Variants in PRR16 observed in about 807,000 individuals in gnomAD.
The protein encoded by PRR16 is proline rich 16, also known as protein Largen.
A neutral mutation model predicts 18.2 loss-of-function variants in PRR16; 6 were observed. That is an observed-to-expected ratio of 0.33 (90% CI 0.18 to 0.65). The LOEUF (loss-of-function observed/expected upper bound fraction) is 0.65, where lower values mean the gene tolerates loss of function less well. PRR16 is among the 30% of genes least tolerant of loss of function. The pLI is 0.74. For synonymous variants in PRR16, 151 were observed against 147.8 expected, an observed-to-expected ratio of 1.02 and a Z score of -0.16; for missense variants, 412 against 376.6, an observed-to-expected ratio of 1.09 and a Z score of -0.78.
intron 1 of PRR16, among the ~76,000 whole-genome samples, chr5:120,578,378 C>T (rs976683596): frequency 1.5e-4 from 23 of 152,080 alleles, no homozygotes; most frequent in Non-Finnish European, 2.6e-4. Context: ...ATTGACCTGT[C>T]CTCTAAGTTC....
chr5:120,675,329 A>C (rs1756759023), intron 1 of PRR16, among the ~76,000 whole-genome samples: 1 of 152,118 alleles, frequency 6.6e-6, no homozygotes. Flanking sequence ...CAAGGATTTC[A>C]GTTTTTTTTT....
intron 1 of PRR16, among the ~76,000 whole-genome samples, chr5:120,563,552 A>G (rs1561547578): frequency 6.6e-6 from 1 of 152,176 alleles, no homozygotes; most frequent in African/African-American, 2.4e-5. Flanking sequence ...CTTCCAGGCC[A>G]CAGGCTAATG....
the PRR16 span, among the ~76,000 whole-genome samples, chr5:120,786,092 T>TG: frequency 6.6e-6 from 1 of 151,780 alleles, no homozygotes; most frequent in Admixed American, 6.6e-5. Flanking sequence ...GCTTTTGTTT[T>TG]TTTTTTTTGG....
the PRR16 span, among the ~76,000 whole-genome samples, chr5:120,761,891 A>G: frequency 2.0e-5 from 3 of 151,990 alleles, no homozygotes; most frequent in South Asian, 2.1e-4. Flanking sequence ...TACCTTTCCC[A>G]GCCTTTGATA....
chr5:120,530,279 ATATATTTATTTATTTATT>A (rs1166610119), intron 1 of PRR16, among the ~76,000 whole-genome samples: 2 of 105,076 alleles, frequency 1.9e-5, no homozygotes, highest in African/African-American at 4.1e-5. Flanking sequence ...ATATATATAT[ATATATTTATTTATTTATT>A]TATTTATTTA....
chr5:120,703,506 G>C, the PRR16 span, among the ~76,000 whole-genome samples: 1 of 152,128 alleles, frequency 6.6e-6, no homozygotes. Context: ...ACACAGCATT[G>C]TTTCTTTTGT....
chr5:120,601,863 C>G (rs1413176144), intron 1 of PRR16, among the ~76,000 whole-genome samples: 1 of 151,948 alleles, frequency 6.6e-6, no homozygotes, highest in Admixed American at 6.6e-5. Flanking sequence ...TGTCAAAGGT[C>G]AGATGGTTAT....
the PRR16 span, among the ~76,000 whole-genome samples, chr5:120,776,750 GTCTC>G: frequency 2.8e-4 from 43 of 152,098 alleles, no homozygotes; most frequent in African/African-American, 8.4e-4. Flanking sequence ...CTTTGTTAAA[GTCTC>G]TCTCATATCA....
chr5:120,676,734 A>G (rs2150150871), intron 1 of PRR16, among the ~76,000 whole-genome samples: 1 of 152,246 alleles, frequency 6.6e-6, no homozygotes, highest in East Asian at 1.9e-4. Context: ...TCTCTAAGAA[A>G]CAATAATATT....
intron 1 of PRR16, among the ~76,000 whole-genome samples, chr5:120,647,823 T>C (rs1008049879): frequency 6.6e-6 from 1 of 152,014 alleles, no homozygotes; most frequent in Admixed American, 6.6e-5. Flanking sequence ...AAAAAACTCG[T>C]GTTTATAAGT....
chr5:120,767,980 A>G, the PRR16 span, among the ~76,000 whole-genome samples: 1 of 151,880 alleles, frequency 6.6e-6, no homozygotes, highest in Non-Finnish European at 1.5e-5. Context: ...GTTTCTCAGT[A>G]TATTTACAGA....
chr5:120,677,938 T>C (rs1175117556), intron 1 of PRR16, among the ~76,000 whole-genome samples: 2 of 116,650 alleles, frequency 1.7e-5, no homozygotes, highest in Admixed American at 1.1e-4. Context: ...GAGACGGAGT[T>C]TCGCTCTGTC....
the PRR16 span, among the ~76,000 whole-genome samples, chr5:120,764,722 T>C: frequency 1.3e-5 from 2 of 152,236 alleles, no homozygotes; most frequent in Non-Finnish European, 2.9e-5. Flanking sequence ...TAGAAGTTCT[T>C]AATTAAGCAC....
At chr5:120,549,404 A>G (rs1752182328) in intron 1 of PRR16, among the ~76,000 whole-genome samples, 1 of 151,882 alleles carries the variant, frequency 6.6e-6, no homozygotes, top group South Asian at 2.1e-4. Context: ...TTTAAAAGAG[A>G]CACTTGTTAG....
At chr5:120,695,717 A>G in the PRR16 span, among the ~76,000 whole-genome samples, 1 of 152,126 alleles carries the variant, frequency 6.6e-6, no homozygotes, top group African/African-American at 2.4e-5. Context: ...CTATCTTAAT[A>G]ATCTCCCAAT....
chr5:120,697,548 A>G, the PRR16 span, among the ~76,000 whole-genome samples: 2 of 152,170 alleles, frequency 1.3e-5, no homozygotes, highest in East Asian at 3.9e-4. Flanking sequence ...TTACATTTTC[A>G]TGCGCGTCCA....
intron 1 of PRR16, among the ~76,000 whole-genome samples, chr5:120,574,314 G>A (rs1753006088): frequency 6.6e-6 from 1 of 151,966 alleles, no homozygotes; most frequent in Non-Finnish European, 1.5e-5. Flanking sequence ...CTTTATAAAG[G>A]AGGATGTCAG....
intron 1 of PRR16, among the ~76,000 whole-genome samples, chr5:120,584,531 T>C (rs2112761687): frequency 6.6e-6 from 1 of 152,336 alleles, no homozygotes; most frequent in East Asian, 1.9e-4. Flanking sequence ...TGAATGCTAT[T>C]TGAAATTAAT....
chr5:120,484,996 GA>G (rs1395956002), intron 1 of PRR16, among the ~76,000 whole-genome samples: 2 of 151,680 alleles, frequency 1.3e-5, no homozygotes, highest in African/African-American at 4.8e-5. Context: ...TTCCATGGGA[GA>G]AGGAATAGAT....
Sources: gnomAD v4.1 joint callset for allele counts (sites outside exome capture counted in the v4.1 genomes callset) on GRCh38, gnomAD v4.1.1 for gene constraint, MANE v1.5 for transcripts, NCBI Gene and HGNC (gene_info 2026-07-23, HGNC 2026-07-21) for gene names.